NKIRAS1: variants seen among roughly 807,000 people sequenced by gnomAD.
The protein encoded by NKIRAS1 is NFKB inhibitor interacting Ras like 1.
In NKIRAS1, 16 loss-of-function variants were observed where a neutral mutation model predicts 19.8. The observed-to-expected ratio is 0.81, with a 90% CI of 0.55 to 1.23. NKIRAS1 has a LOEUF of 1.23. Ranked by LOEUF, NKIRAS1 falls within the 50% of genes most tolerant of loss-of-function variation. The pLI is 0.00. For missense variants in NKIRAS1, 184 were observed against 220.0 expected, an observed-to-expected ratio of 0.84 and a Z score of 1.04; for synonymous variants, 88 against 79.0, an observed-to-expected ratio of 1.11 and a Z score of -0.61.
At chr3:23,915,097 C>T (rs1307845793) in intron 1 of NKIRAS1, among the ~76,000 whole-genome samples, 2 of 152,062 alleles carry the variant, frequency 1.3e-5, no homozygotes, top group Non-Finnish European at 2.9e-5. Flanking sequence ...AAGAATTTTG[C>T]GGGGGTGATT....
Position 23,890,434 on chromosome 3 carries a change from C to G in NKIRAS1, c.*2661G>C. ...ACATACTTTGTCGTACGTATCTACC[C>G]AAGCTGTCACTATTCGCTAAAGTTT... On this transcript the variant is annotated 3_prime_UTR_variant, in exon 5 of 5. Coordinates refer to ENST00000425478, the MANE Select transcript of NKIRAS1 (RefSeq NM_020345.4). 7.0e-7 allele frequency: 1 copy of G among 1,429,564 alleles called. No individual in the cohort carries two copies. The highest frequency in any genetic ancestry group is 1.4e-5 in the African/African-American group (1 of 70,798). 88.6% of individuals were successfully genotyped at this position (1,429,564 alleles called of 1,614,324 possible).
intron 4 of NKIRAS1, among the ~76,000 whole-genome samples, chr3:23,894,200 C>T (rs1045217419): frequency 6.6e-6 from 1 of 152,156 alleles, no homozygotes; most frequent in African/African-American, 2.4e-5. Flanking sequence ...AGTCAAAGCT[C>T]GGGGAGGAGA....
At chr3:23,936,126 T>C (rs1347686372) in intron 1 of NKIRAS1, among the ~76,000 whole-genome samples, 1 of 147,502 alleles carries the variant, frequency 6.8e-6, no homozygotes, top group Non-Finnish European at 1.5e-5. Flanking sequence ...GGGAGCTCAT[T>C]GGTGATAAGC....
At chr3:23,943,023 G>A (rs1705536082) in intron 1 of NKIRAS1, among the ~76,000 whole-genome samples, 1 of 152,206 alleles carries the variant, frequency 6.6e-6, no homozygotes, top group African/African-American at 2.4e-5. Context: ...CCAAAGTGCT[G>A]GGATTACAGG....
chr3:23,917,048 C>T (rs925470694), upstream of NKIRAS1: 1 of 152,618 alleles, frequency 6.6e-6, no homozygotes, highest in Non-Finnish European at 1.5e-5. Flanking sequence ...GCCGGAACTA[C>T]ATGTCCCATG....
intron 1 of NKIRAS1, among the ~76,000 whole-genome samples, chr3:23,924,644 C>T (rs543450165): frequency 9.9e-5 from 15 of 152,202 alleles, no homozygotes; most frequent in East Asian, 1.9e-4. Flanking sequence ...AGGTGATCTG[C>T]GCCCGTCTTG....
intron 2 of NKIRAS1, 81 bp from the exon 3 acceptor site, chr3:23,911,002 T>C (rs1703643732): frequency 9.4e-7 from 1 of 1,064,026 alleles, no homozygotes; most frequent in Admixed American, 1.9e-5. Flanking sequence ...TTCAATTTAA[T>C]ATGTAACACA....
At chr3:23,937,385 G>T (rs1332432720) in intron 1 of NKIRAS1, among the ~76,000 whole-genome samples, 2 of 152,044 alleles carry the variant, frequency 1.3e-5, no homozygotes, top group East Asian at 1.9e-4. Context: ...TTAAGAGAAT[G>T]GTCAGTTAAT....
At chr3:23,931,163 TC>T (rs1431250966) in intron 1 of NKIRAS1, among the ~76,000 whole-genome samples, 1 of 152,150 alleles carries the variant, frequency 6.6e-6, no homozygotes, top group East Asian at 1.9e-4. Context: ...AAACAGTGTT[TC>T]CATCATTGAC....
At chr3:23,899,091 C>T (rs141002339) in intron 4 of NKIRAS1, among the ~76,000 whole-genome samples, 211 of 152,216 alleles carry the variant, frequency 1.4e-3, no homozygotes, top group Non-Finnish European at 2.4e-3. Flanking sequence ...GACTGGGGAC[C>T]ACTGATTTAT....
At chr3:23,904,388 T>G (rs1241534750) in intron 3 of NKIRAS1, among the ~76,000 whole-genome samples, 6 of 152,072 alleles carry the variant, frequency 3.9e-5, no homozygotes, top group African/African-American at 1.5e-4. Context: ...TGCTGCATCC[T>G]TGGGAGGGGT....
At chr3:23,944,841 G>C (rs187738518) in intron 1 of NKIRAS1, among the ~76,000 whole-genome samples, 3 of 150,880 alleles carry the variant, frequency 2.0e-5, no homozygotes, top group Non-Finnish European at 4.4e-5. Context: ...GGAGCGGGGG[G>C]TGGGGGTGGG....
intron 1 of NKIRAS1, chr3:23,946,161 C>G (rs1290888125): frequency 1.0e-6 from 1 of 985,190 alleles, no homozygotes; most frequent in Middle Eastern, 5.2e-4. Flanking sequence ...GAGGAGGCCG[C>G]GCGTGCGCGC....
At chr3:23,944,405 A>G (rs1216511097) in intron 1 of NKIRAS1, among the ~76,000 whole-genome samples, 3 of 152,224 alleles carry the variant, frequency 2.0e-5, no homozygotes, top group Non-Finnish European at 2.9e-5. Flanking sequence ...ACATCTTACC[A>G]TATCATCTAT....
intron 1 of NKIRAS1, among the ~76,000 whole-genome samples, chr3:23,940,689 T>C (rs1380033695): frequency 1.3e-5 from 2 of 151,022 alleles, no homozygotes; most frequent in Non-Finnish European, 3.0e-5. Context: ...TATTTCGTTA[T>C]AACAAAATCA....
intron 2 of NKIRAS1, among the ~76,000 whole-genome samples, 162 bp from the exon 3 acceptor site, chr3:23,911,083 C>T (rs1415608438): frequency 1.3e-5 from 2 of 152,174 alleles, no homozygotes; most frequent in African/African-American, 4.8e-5. Context: ...ACCCCATTCC[C>T]CAGTCTCCCA....
chr3:23,920,379 T>C, upstream of NKIRAS1: 1 of 985,470 alleles, frequency 1.0e-6, no homozygotes, highest in Middle Eastern at 5.2e-4. Flanking sequence ...CACAAGCGCA[T>C]GGTTTCCAAC....
intron 3 of NKIRAS1, among the ~76,000 whole-genome samples, chr3:23,909,561 G>T (rs2125411034): frequency 6.6e-6 from 1 of 152,022 alleles, no homozygotes; most frequent in Admixed American, 6.5e-5. Context: ...TTACTTGCCA[G>T]AAAAAAATGC....
chr3:23,933,349 G>C (rs1026278406), intron 1 of NKIRAS1, among the ~76,000 whole-genome samples: 2 of 152,144 alleles, frequency 1.3e-5, no homozygotes, highest in Non-Finnish European at 2.9e-5. Flanking sequence ...TTCTTGATGG[G>C]GTAGGGGAAC....
Sources: gnomAD v4.1 joint callset for allele counts (sites outside exome capture counted in the v4.1 genomes callset) on GRCh38, gnomAD v4.1.1 for gene constraint, MANE v1.5 for transcripts, NCBI Gene and HGNC (gene_info 2026-07-23, HGNC 2026-07-21) for gene names.